Variants in CACNA1D observed in about 807,000 individuals in gnomAD.
The protein encoded by CACNA1D is voltage-dependent L-type calcium channel subunit alpha-1D.
Under a neutral mutation model 257.1 loss-of-function variants are expected in CACNA1D, and 55 were observed. The observed-to-expected ratio is 0.21, with a 90% CI of 0.17 to 0.27. The LOEUF (loss-of-function observed/expected upper bound fraction) is 0.27. CACNA1D is among the 10% of genes least tolerant of loss of function. The pLI is 1.00. For missense variants in CACNA1D, 1,876 were observed against 2,784.0 expected, an observed-to-expected ratio of 0.67 and a Z score of 7.34; for synonymous variants, 980 against 1,014.9, an observed-to-expected ratio of 0.97 and a Z score of 0.65.
At chr3:53,808,809 C>T (rs748561566) in intron 46 of CACNA1D, 39 bp downstream of exon 46, 38 of 1,599,392 alleles carry the variant, frequency 2.4e-5, no homozygotes, top group Non-Finnish European at 2.9e-5. Flanking sequence ...CACCTAGGGG[C>T]ACCCCACATA....
At chr3:53,786,551 C>T (rs2109106528) in intron 39 of CACNA1D, 1 of 454,418 alleles carries the variant, frequency 2.2e-6, no homozygotes, top group East Asian at 4.3e-5. Flanking sequence ...ATATGCTGCT[C>T]TATTAAACTC....
intron 3 of CACNA1D, among the ~76,000 whole-genome samples, chr3:53,523,323 C>T (rs903943189): frequency 1.3e-5 from 2 of 151,992 alleles, no homozygotes; most frequent in Non-Finnish European, 2.9e-5. Context: ...AATCCAAGGT[C>T]AACAGGCTAT....
At chr3:53,547,048 A>G (rs929739745) in intron 3 of CACNA1D, among the ~76,000 whole-genome samples, 3 of 152,206 alleles carry the variant, frequency 2.0e-5, no homozygotes, top group Admixed American at 6.5e-5. Context: ...TGCCATGCAA[A>G]AAAAGAGGCA....
intron 3 of CACNA1D, among the ~76,000 whole-genome samples, chr3:53,504,064 T>G (rs927603720): frequency 4.6e-5 from 7 of 152,064 alleles, no homozygotes; most frequent in African/African-American, 1.4e-4. Context: ...TGTTTTTTTT[T>G]TTTTAAATAC....
chr3:53,531,636 C>A (rs1311542726), intron 3 of CACNA1D, among the ~76,000 whole-genome samples: 1 of 152,204 alleles, frequency 6.6e-6, no homozygotes. Context: ...GATTTTTCTA[C>A]AGAGGTACCT....
intron 3 of CACNA1D, among the ~76,000 whole-genome samples, chr3:53,623,739 G>GT (rs112537513): frequency 0.054 from 8,248 of 152,212 alleles, 730 homozygotes; most frequent in African/African-American, 0.19. Flanking sequence ...TGACTCATTT[G>GT]ATCACCTGGA....
chr3:53,496,480 C>T (rs1419659694), intron 1 of CACNA1D, among the ~76,000 whole-genome samples: 1 of 152,120 alleles, frequency 6.6e-6, no homozygotes, highest in Admixed American at 6.5e-5. Context: ...GCAAAAAAGC[C>T]CTAAAGATGT....
intron 3 of CACNA1D, among the ~76,000 whole-genome samples, chr3:53,530,058 T>C (rs1185169249): frequency 6.6e-6 from 1 of 152,198 alleles, no homozygotes; most frequent in Admixed American, 6.5e-5. Context: ...GGTGGCATTG[T>C]TGGTTGCTGA....
chr3:53,627,442 G>A (rs1041941139), intron 3 of CACNA1D, among the ~76,000 whole-genome samples: 1 of 152,174 alleles, frequency 6.6e-6, no homozygotes, highest in Admixed American at 6.5e-5. Flanking sequence ...GGGGTCTGAG[G>A]TGCTAGTTTA....
chr3:53,690,482 C>G (rs2094509132), intron 8 of CACNA1D, among the ~76,000 whole-genome samples: 1 of 152,170 alleles, frequency 6.6e-6, no homozygotes, highest in African/African-American at 2.4e-5. Context: ...CTCTCAGTCT[C>G]TGAGCCCAGC....
At chr3:53,734,979 G>A (rs1376440539) in intron 19 of CACNA1D, among the ~76,000 whole-genome samples, 1 of 152,140 alleles carries the variant, frequency 6.6e-6, no homozygotes, top group East Asian at 1.9e-4. Context: ...ATAAACAGAT[G>A]AGTTTCTTGT....
intron 43 of CACNA1D, among the ~76,000 whole-genome samples, chr3:53,803,017 C>G (rs567810536): frequency 1.4e-4 from 22 of 152,282 alleles, no homozygotes; most frequent in African/African-American, 5.1e-4. Flanking sequence ...GTTCCAGGTT[C>G]TGAAGTCACA....
chr3:53,569,390 C>T (rs1412204494), intron 3 of CACNA1D, among the ~76,000 whole-genome samples: 1 of 152,218 alleles, frequency 6.6e-6, no homozygotes, highest in African/African-American at 2.4e-5. Context: ...GTTGTCATCT[C>T]TGTGCTCTCC....
chr3:53,733,850 T>G (rs1172431202), intron 19 of CACNA1D, among the ~76,000 whole-genome samples: 1 of 150,328 alleles, frequency 6.7e-6, no homozygotes, highest in Non-Finnish European at 1.5e-5. Context: ...AGCTCACCAC[T>G]GTTTGGGTGT....
At chr3:53,623,142 C>A (rs1435452553) in intron 3 of CACNA1D, among the ~76,000 whole-genome samples, 7 of 152,228 alleles carry the variant, frequency 4.6e-5, no homozygotes, top group African/African-American at 1.7e-4. Context: ...CCGGTCTTGG[C>A]CTTCCGAAGT....
chr3:53,706,504 A>G (rs1036516376), intron 9 of CACNA1D, among the ~76,000 whole-genome samples: 1 of 152,152 alleles, frequency 6.6e-6, no homozygotes, highest in African/African-American at 2.4e-5. Context: ...ATAAAGATAT[A>G]TCTCCCCATG....
intron 3 of CACNA1D, among the ~76,000 whole-genome samples, chr3:53,633,352 T>C (rs2093843986): frequency 6.6e-6 from 1 of 152,150 alleles, no homozygotes; most frequent in Admixed American, 6.6e-5. Flanking sequence ...GCCTGTGTGG[T>C]GGCATGTACT....
chr3:53,809,790 A>C (rs1191264142), intron 46 of CACNA1D, 188 bp from the exon 47 acceptor site: 9 of 631,452 alleles, frequency 1.4e-5, no homozygotes, highest in Non-Finnish European at 2.6e-5. Flanking sequence ...AAGAAAGCAC[A>C]GTCTGCTAGA....
rs1471359438 is a variant in CACNA1D, at chr3:53,497,256, G to A, written c.172G>A (p.Asp58Asn). 9.3e-6 allele frequency: 15 copies of A among 1,613,986 alleles called. No homozygotes were observed. The Admixed American group carries it at 1.0e-4, about 11-fold the overall frequency. The change falls in exon 2 of 48, where the codon GAT becomes AAT. Residue 58 changes from aspartate (D) to asparagine (N), a missense_variant. Asp to Asn is a conservative substitution (Grantham distance 23). Coordinates refer to ENST00000350061, the MANE Select transcript of CACNA1D (RefSeq NM_001128840.3). The stretch of plus-strand genomic sequence containing the variant: ...TGTCCTGTCTTGGCAAGCTGCAATC[G>A]ATGCTGCTAGACAGGCCAAGGCTGC... Reference protein sequence around the residue: ...QTVLSWQAAIDAARQAKAAQT... With the variant: ...QTVLSWQAAINAARQAKAAQT...
Sources: allele counts gnomAD v4.1 joint callset (sites outside exome capture counted in the v4.1 genomes callset), GRCh38; gene constraint gnomAD v4.1.1; transcripts MANE v1.5; gene names NCBI Gene and HGNC (gene_info 2026-07-23, HGNC 2026-07-21).